The following PCGF6 variants were observed in gnomAD, a reference collection of about 807,000 sequenced individuals.
PCGF6 encodes polycomb group RING finger protein 6.
Under a neutral mutation model 45.5 loss-of-function variants are expected in PCGF6, and 24 were observed. That is an observed-to-expected ratio of 0.53 (90% CI 0.38 to 0.74). PCGF6 has a LOEUF of 0.74. PCGF6 is among the 30% of genes least tolerant of loss of function. The pLI, the probability that PCGF6 is intolerant of heterozygous loss-of-function variation, is 0.00. For synonymous variants in PCGF6, 152 were observed against 162.1 expected (o/e 0.94, Z 0.47); for missense variants, 356 against 443.2 (o/e 0.80, Z 1.77).
intron 9 of PCGF6, among the ~76,000 whole-genome samples, chr10:103,305,620 TCAA>T (rs2093135593): frequency 6.6e-6 from 1 of 152,106 alleles, no homozygotes; most frequent in Non-Finnish European, 1.5e-5. Flanking sequence ...TAAAAAAGAC[TCAA>T]CTACTACAAC....
intron 9 of PCGF6, among the ~76,000 whole-genome samples, chr10:103,312,132 G>T (rs1185025278): frequency 7.0e-6 from 1 of 143,410 alleles, no homozygotes; most frequent in Non-Finnish European, 1.5e-5. Flanking sequence ...GGTGGCTCAC[G>T]CCTGTAATCC....
At chr10:103,311,471 G>T (rs1330042569) in intron 9 of PCGF6, among the ~76,000 whole-genome samples, 1 of 147,432 alleles carries the variant, frequency 6.8e-6, no homozygotes, top group African/African-American at 2.5e-5. Flanking sequence ...TTGAGACATG[G>T]TCCTGCTCCG....
chr10:103,307,180 T>C (rs938725799), intron 9 of PCGF6, among the ~76,000 whole-genome samples: 3 of 151,994 alleles, frequency 2.0e-5, no homozygotes, highest in African/African-American at 7.2e-5. Flanking sequence ...TCATGGCTCA[T>C]GCCTGTAATC....
chr10:103,348,977 A>G lies in PCGF6; in HGVS notation c.383T>C (p.Leu128Pro). ...AATGGAACACAAGATGTATGGGGTC[A>G]GCTCAGAGAGATTAATCAGGCGCTG... Reference protein sequence around the residue: ...EEERLINLSELTPYILCSICK... With the variant: ...EEERLINLSEPTPYILCSICK... The change falls in exon 2 of 10, where the codon CTG (leucine) becomes CCG (proline). Residue 128 changes from leucine to proline, a missense_variant. Around this residue, in one of 2 missense-constraint regions of PCGF6, gnomAD observed 307 missense variants for 350.1 expected, o/e 0.88. Coordinates refer to ENST00000369847, the MANE Select transcript of PCGF6 (RefSeq NM_001011663.2). 6 of 1,613,264 alleles carry G rather than the reference A, an allele frequency of 3.7e-6. No individual in the cohort carries two copies. The highest frequency in any genetic ancestry group is 5.1e-6 in the Non-Finnish European group (6 of 1,179,598).
intron 6 of PCGF6, among the ~76,000 whole-genome samples, chr10:103,340,625 C>T (rs2093277358): frequency 6.6e-6 from 1 of 150,670 alleles, no homozygotes; most frequent in Non-Finnish European, 1.5e-5. Flanking sequence ...GAGACAGGGT[C>T]TTGCTCTGTC....
In PCGF6 at chr10:103,347,286, G is replaced by C; in HGVS notation, c.625C>G (p.Gln209Glu). 1 of 1,609,020 alleles carries C rather than the reference G, an allele frequency of 6.2e-7. No individual in the cohort carries two copies. Among genetic ancestry groups the C allele is most frequent in the Non-Finnish European group, 8.5e-7 (1 of 1,175,658 alleles). ...CTTTCTTTATAGAAATCATGCATTT[G>C]CTTTTTTTCTCCTAAAAAATGATAA... is the stretch of plus-strand genomic sequence containing the variant. ...VINLEEREKK[Q>E]MHDFYKERGL... is the part of the protein sequence containing the mutation. Residue 209 changes from glutamine to glutamate, a missense_variant, in exon 5 of 10, where the codon CAA becomes GAA. Around this residue, in one of 2 missense-constraint regions of PCGF6, gnomAD observed 307 missense variants for 350.1 expected, o/e 0.88. Coordinates refer to ENST00000369847, the MANE Select transcript of PCGF6 (RefSeq NM_001011663.2).
chr10:103,347,744 A>G (rs1379092417), intron 3 of PCGF6, among the ~76,000 whole-genome samples: 1 of 152,152 alleles, frequency 6.6e-6, no homozygotes. Flanking sequence ...GCTGGAGTGC[A>G]GTGGCTCAAT....
chr10:103,338,235 T>C (rs1043601640), intron 6 of PCGF6, among the ~76,000 whole-genome samples: 7 of 147,890 alleles, frequency 4.7e-5, no homozygotes, highest in African/African-American at 1.8e-4. Flanking sequence ...GAGAAAACCC[T>C]GTCTCAAACA....
intron 6 of PCGF6, among the ~76,000 whole-genome samples, chr10:103,338,803 G>A (rs1592072834): frequency 6.6e-6 from 1 of 151,230 alleles, no homozygotes; most frequent in Admixed American, 6.6e-5. Flanking sequence ...TAGAGGCAGA[G>A]GTAGCAGTGA....
Position 103,347,237 on chromosome 10 carries a change from C to T in PCGF6, c.673+1G>A. On this transcript the variant is annotated splice_donor_variant, in intron 5 of 9. Transcript: ENST00000369847. LOFTEE classifies it high-confidence loss of function. The stretch of plus-strand genomic sequence containing the variant: ...ACATTATAGTATACACCCAAACTTA[C>T]CAGGTTTAGGTACTTCTAGACCTCT... The T allele has an allele frequency of 6.2e-7, 1 of 1,600,800 alleles. No homozygotes were observed. Among genetic ancestry groups the T allele is most frequent in the Non-Finnish European group, 8.6e-7 (1 of 1,168,888 alleles).
intron 5 of PCGF6, 35 bp from the exon 6 acceptor site, chr10:103,345,167 A>C: frequency 2.1e-6 from 3 of 1,403,436 alleles, no homozygotes; most frequent in Non-Finnish European, 3.0e-6. Flanking sequence ...TTAATTAAGA[A>C]TAAAAATGCC....
At chr10:103,311,450 T>TA (rs1230716652) in intron 9 of PCGF6, among the ~76,000 whole-genome samples, 1 of 150,004 alleles carries the variant, frequency 6.7e-6, no homozygotes, top group Non-Finnish European at 1.5e-5. Flanking sequence ...CCTCTCTCTT[T>TA]TTTTTTTTTT....
At chr10:103,319,188 C>T (rs755347999) in intron 8 of PCGF6, among the ~76,000 whole-genome samples, 6 of 152,112 alleles carry the variant, frequency 3.9e-5, no homozygotes, top group East Asian at 3.9e-4. Flanking sequence ...CTCACTCTGC[C>T]GCCCAGGCTG....
intron 7 of PCGF6, among the ~76,000 whole-genome samples, chr10:103,330,666 G>C (rs1400416816): frequency 1.3e-5 from 2 of 152,098 alleles, no homozygotes; most frequent in Non-Finnish European, 2.9e-5. Flanking sequence ...GGTGGCTCAC[G>C]CCTGTAATCC....
chr10:103,349,306 C>T (rs2093311326), intron 1 of PCGF6, among the ~76,000 whole-genome samples: 1 of 151,876 alleles, frequency 6.6e-6, no homozygotes, highest in Non-Finnish European at 1.5e-5. Flanking sequence ...CCAAGGCCTC[C>T]CAAAGTGCTA....
At chr10:103,328,400 T>C (rs1482038115) in intron 7 of PCGF6, among the ~76,000 whole-genome samples, 1 of 152,172 alleles carries the variant, frequency 6.6e-6, no homozygotes, top group Non-Finnish European at 1.5e-5. Flanking sequence ...GGCTTGCTTG[T>C]TATACTTGAG....
intron 8 of PCGF6, among the ~76,000 whole-genome samples, chr10:103,318,294 T>A (rs1253441265): frequency 6.7e-6 from 1 of 149,762 alleles, no homozygotes; most frequent in Non-Finnish European, 1.5e-5. Flanking sequence ...AATACAAAAA[T>A]AAGCTGGGTG....
chr10:103,348,781 G>A lies in PCGF6; in HGVS notation c.492C>T (p.Tyr164=), dbSNP rs202127192. 6.7e-5 allele frequency: 108 copies of A among 1,613,100 alleles called. No individual in the cohort carries two copies. In the East Asian group the frequency reaches 2.2e-3, roughly 32 times the overall value. The part of the protein sequence containing the change: ...FCKSCIVRHF[Y]YSNRCPKCNI... The stretch of plus-strand genomic sequence containing the variant: ...TGCATTTTGGACATCTGTTGCTGTA[G>A]TAAAAATGTCTTACGATGCAGCTTT... The change falls in exon 3 of 10, where the codon TAC becomes TAT. Residue 164 remains tyrosine, a synonymous_variant. Coordinates refer to ENST00000369847, the MANE Select transcript of PCGF6 (RefSeq NM_001011663.2).
intron 5 of PCGF6, among the ~76,000 whole-genome samples, chr10:103,346,219 C>T (rs1391716358): frequency 3.6e-5 from 5 of 137,838 alleles, no homozygotes; most frequent in South Asian, 2.3e-4. Context: ...AAGCCAGGCG[C>T]GGTGGCTCAC....
Sources: allele counts gnomAD v4.1 joint callset (sites outside exome capture counted in the v4.1 genomes callset), GRCh38; gene constraint gnomAD v4.1.1; regional missense constraint gnomAD v4.1.1; transcripts MANE v1.5; gene names NCBI Gene and HGNC (gene_info 2026-07-23, HGNC 2026-07-21).